The following SPOCK3 variants were observed in gnomAD, a reference collection of about 807,000 sequenced individuals.
The protein encoded by SPOCK3 is testican-3.
A neutral mutation model predicts 56.6 loss-of-function variants in SPOCK3; 30 were observed. The observed-to-expected ratio is 0.53, with a 90% confidence interval of 0.40 to 0.72. The LOEUF is 0.72. Among genes scored for constraint, SPOCK3 ranks in the 30% least tolerant of loss-of-function variants. The probability of loss-of-function intolerance (pLI) is 0.00; values close to 1 mark genes in which losing one functional copy is unlikely to be tolerated. For synonymous variants in SPOCK3, 196 were observed against 183.3 expected (o/e 1.07, Z -0.56); for missense variants, 527 against 530.0 (o/e 0.99, Z 0.06).
intron 6 of SPOCK3, among the ~76,000 whole-genome samples, chr4:166,879,465 C>A (rs1733466153): frequency 6.6e-6 from 1 of 151,976 alleles, no homozygotes; most frequent in South Asian, 2.1e-4. Context: ...GAGACCAGGA[C>A]TTTGAGACCA....
At chr4:166,815,529 C>T (rs1744294768) in intron 6 of SPOCK3, among the ~76,000 whole-genome samples, 2 of 152,034 alleles carry the variant, frequency 1.3e-5, no homozygotes, top group Non-Finnish European at 2.9e-5. Flanking sequence ...AGGTGGCTCA[C>T]ACCTGTAATA....
At chr4:167,087,667 C>A (rs79932540) in intron 2 of SPOCK3, among the ~76,000 whole-genome samples, 1 of 152,056 alleles carries the variant, frequency 6.6e-6, no homozygotes, top group Non-Finnish European at 1.5e-5. Context: ...TGCAGTAAAT[C>A]GCCTAAAGTT....
chr4:166,937,833 G>A (rs1740609515), intron 4 of SPOCK3, among the ~76,000 whole-genome samples: 1 of 148,446 alleles, frequency 6.7e-6, no homozygotes, highest in South Asian at 2.1e-4. Context: ...GGGCGATCTC[G>A]GCTCACTGAA....
intron 4 of SPOCK3, among the ~76,000 whole-genome samples, chr4:166,959,629 A>T (rs1743914470): frequency 6.6e-6 from 1 of 152,084 alleles, no homozygotes; most frequent in Admixed American, 6.6e-5. Flanking sequence ...GAAAAAAAAA[A>T]AAGACTGAAT....
chr4:166,744,127 T>G (rs892347356), intron 8 of SPOCK3, among the ~76,000 whole-genome samples: 1 of 152,132 alleles, frequency 6.6e-6, no homozygotes, highest in Admixed American at 6.5e-5. Context: ...CCCCGGAGTT[T>G]GAGATCTGAG....
In SPOCK3 at chr4:166,792,155, AT is replaced by A; in HGVS notation, c.709+14del. On this transcript the variant is annotated intron_variant, in intron 7 of 10. Coordinates refer to ENST00000357545, the MANE Select transcript of SPOCK3 (RefSeq NM_001040159.2). The stretch of plus-strand genomic sequence containing the variant: ...TAACAGATACAGTAGCAATGATCAA[AT>A]TTAGAAATCTTACTGCTTCTCTCAG... 1 of 1,613,682 alleles carries A rather than the reference AT, an allele frequency of 6.2e-7. No homozygotes were observed. Among genetic ancestry groups the A allele is most frequent in the Admixed American group, 1.7e-5 (1 of 60,004 alleles).
At chr4:167,145,115 T>G (rs1004340259) in intron 2 of SPOCK3, among the ~76,000 whole-genome samples, 6 of 152,000 alleles carry the variant, frequency 3.9e-5, no homozygotes, top group African/African-American at 1.4e-4. Context: ...GATTCTGGAT[T>G]TATTTGAAAT....
rs1215575050 is a variant in SPOCK3, at chr4:166,839,921, G to A, written c.590-47632C>T. Among the ~76,000 whole-genome samples the A allele has an allele frequency of 5.3e-5, 8 of 152,212 alleles. No homozygotes were observed. The East Asian group carries it at 1.2e-3, about 22-fold the overall frequency. ...TGTAAAGAGGGGCTAATTTCACTTC[G>A]GGGAAATCTGTCCACTCTCCCTCTG... On this transcript the variant is annotated intron_variant, in intron 6 of 10. Transcript: ENST00000357545.
At chr4:166,901,722 G>T (rs550487065) in intron 5 of SPOCK3, among the ~76,000 whole-genome samples, 11 of 152,258 alleles carry the variant, frequency 7.2e-5, no homozygotes, top group African/African-American at 2.4e-4. Context: ...CAAAAGCCAC[G>T]TTGGATGTAT....
chr4:166,899,457 G>T (rs1735788269), intron 5 of SPOCK3, among the ~76,000 whole-genome samples: 1 of 151,062 alleles, frequency 6.6e-6, no homozygotes, highest in African/African-American at 2.4e-5. Flanking sequence ...AGAAGAGATG[G>T]CTGATAAACT....
At chr4:167,013,688 T>G (rs1435698378) in intron 3 of SPOCK3, among the ~76,000 whole-genome samples, 2 of 151,972 alleles carry the variant, frequency 1.3e-5, no homozygotes, top group Non-Finnish European at 2.9e-5. Flanking sequence ...TATCTATGAT[T>G]TAGTTAACAC....
chr4:167,189,658 T>TA (rs535637237), intron 2 of SPOCK3, among the ~76,000 whole-genome samples: 1 of 144,900 alleles, frequency 6.9e-6, no homozygotes, highest in Non-Finnish European at 1.5e-5. Flanking sequence ...ATCTACTGTC[T>TA]AAAAACACTC....
chr4:167,192,553 G>T (rs1283861087), intron 2 of SPOCK3, among the ~76,000 whole-genome samples: 1 of 145,294 alleles, frequency 6.9e-6, no homozygotes, highest in Non-Finnish European at 1.5e-5. Flanking sequence ...TTTTATTTAA[G>T]AAAAACGCTC....
At position 166,764,936 on chromosome 4, in the gene SPOCK3, A is replaced by G. The variant is rs573618282; in HGVS notation, c.710-10207T>C. Among the ~76,000 whole-genome samples, 109 of 152,064 alleles carry G rather than the reference A, an allele frequency of 7.2e-4. 1 individual carries two copies. The highest frequency in any genetic ancestry group is 2.5e-3 in the African/African-American group (103 of 41,508). On this transcript the variant is annotated intron_variant, in intron 7 of 10. Transcript: ENST00000357545. ...GGTTTTGATTTGCATTTCTCTGATG[A>G]CCAGTGATGATGAGCATTTTTTCAT...
At chr4:166,898,402 G>A (rs1015595398) in intron 5 of SPOCK3, among the ~76,000 whole-genome samples, 3 of 152,034 alleles carry the variant, frequency 2.0e-5, no homozygotes, top group Non-Finnish European at 2.9e-5. Context: ...AGAACTTTGC[G>A]ATAGGGGGTG....
At chr4:167,106,540 A>C (rs1760166875) in intron 2 of SPOCK3, among the ~76,000 whole-genome samples, 1 of 151,822 alleles carries the variant, frequency 6.6e-6, no homozygotes, top group Non-Finnish European at 1.5e-5. Context: ...AACTAAGAAA[A>C]ATGTCAAATA....
At chr4:166,905,729 A>G (rs1736536222) in intron 5 of SPOCK3, among the ~76,000 whole-genome samples, 1 of 152,024 alleles carries the variant, frequency 6.6e-6, no homozygotes, top group Non-Finnish European at 1.5e-5. Flanking sequence ...ATGTAAAAAA[A>G]TCTGGAGAGA....
At chr4:167,093,452 C>G (rs1451766608) in intron 2 of SPOCK3, among the ~76,000 whole-genome samples, 1 of 152,056 alleles carries the variant, frequency 6.6e-6, no homozygotes, top group African/African-American at 2.4e-5. Context: ...AACCCCCCAT[C>G]CCCTGACAGG....
At chr4:166,870,736 G>A (rs1036076754) in intron 6 of SPOCK3, among the ~76,000 whole-genome samples, 1 of 152,044 alleles carries the variant, frequency 6.6e-6, no homozygotes, top group African/African-American at 2.4e-5. Context: ...AGATATGTTA[G>A]AAAAGAAGAT....
Sources: allele counts gnomAD v4.1 joint callset (sites outside exome capture counted in the v4.1 genomes callset), GRCh38; gene constraint gnomAD v4.1.1; transcripts MANE v1.5; gene names NCBI Gene and HGNC (gene_info 2026-07-23, HGNC 2026-07-21).